KIAA0825: variants seen among roughly 807,000 people sequenced by gnomAD.
KIAA0825 encodes the protein KIAA0825, also known as uncharacterized protein KIAA0825.
In KIAA0825, 119 loss-of-function variants were observed where a neutral mutation model predicts 147.6. The observed-to-expected ratio is 0.81, with a 90% CI of 0.69 to 0.94. The LOEUF is 0.94. Ranked by LOEUF, KIAA0825 falls within the 40% of genes least tolerant of loss-of-function variation. The pLI, the probability that KIAA0825 is intolerant of heterozygous loss-of-function variation, is 0.00. For synonymous variants in KIAA0825, 470 were observed against 518.1 expected, an observed-to-expected ratio of 0.91 and a Z score of 1.26; for missense variants, 1,381 against 1,472.7, an observed-to-expected ratio of 0.94 and a Z score of 1.02.
At chr5:94,437,170 TGA>T (rs1469188217) in intron 14 of KIAA0825, among the ~76,000 whole-genome samples, 4 of 152,196 alleles carry the variant, frequency 2.6e-5, no homozygotes, top group Non-Finnish European at 5.9e-5. Flanking sequence ...TGAAATATCA[TGA>T]GACTTTAAAT....
intron 20 of KIAA0825, among the ~76,000 whole-genome samples, chr5:94,275,776 G>T (rs189505722): frequency 6.6e-6 from 1 of 152,172 alleles, no homozygotes; most frequent in Admixed American, 6.6e-5. Context: ...CTCATCAGTA[G>T]CATCATTTAC....
chr5:94,286,255 G>T (rs1434032532), intron 20 of KIAA0825, among the ~76,000 whole-genome samples: 1 of 152,174 alleles, frequency 6.6e-6, no homozygotes, highest in African/African-American at 2.4e-5. Flanking sequence ...TCCATGAACA[G>T]TATGTGTGTG....
At chr5:94,317,764 A>C (rs946533366) in intron 20 of KIAA0825, among the ~76,000 whole-genome samples, 1 of 151,896 alleles carries the variant, frequency 6.6e-6, no homozygotes, top group African/African-American at 2.4e-5. Context: ...AATGTGCTTT[A>C]AAATATATGT....
At chr5:94,342,414 G>C (rs1782517321) in intron 20 of KIAA0825, among the ~76,000 whole-genome samples, 1 of 152,120 alleles carries the variant, frequency 6.6e-6, no homozygotes, top group Non-Finnish European at 1.5e-5. Context: ...AAAATGAAAG[G>C]AATAATGTCA....
intron 14 of KIAA0825, among the ~76,000 whole-genome samples, chr5:94,425,979 C>G (rs1754806849): frequency 6.6e-6 from 1 of 151,736 alleles, no homozygotes; most frequent in Non-Finnish European, 1.5e-5. Flanking sequence ...TTCCAAGTAG[C>G]TGGGACTACA....
In KIAA0825 at chr5:94,184,632, T is replaced by G. The variant is rs569006912; in HGVS notation, c.3711-30508A>C. Reference sequence around the variant, plus strand: ...TAGATGCAAATATTTAAGAAACTTATGCACAGGTTTTGTGCTATTATCATG... The same window carrying G: ...TAGATGCAAATATTTAAGAAACTTAGGCACAGGTTTTGTGCTATTATCATG... On this transcript the variant is annotated intron_variant, in intron 20 of 20. Transcript: ENST00000682413. 4.6e-5 allele frequency among the ~76,000 whole-genome samples: 7 copies of G among 152,332 alleles called. No homozygotes were observed. The South Asian group carries it at 6.2e-4, about 14-fold the overall frequency.
intron 2 of KIAA0825, among the ~76,000 whole-genome samples, chr5:94,548,277 C>G (rs1236368980): frequency 6.6e-6 from 1 of 152,050 alleles, no homozygotes; most frequent in Non-Finnish European, 1.5e-5. Context: ...AGCTGATGAA[C>G]TAAGTTTTTA....
At chr5:94,206,381 T>C (rs973778788) in intron 20 of KIAA0825, among the ~76,000 whole-genome samples, 7 of 152,192 alleles carry the variant, frequency 4.6e-5, no homozygotes, top group Admixed American at 4.6e-4. Context: ...TTTTGAATAC[T>C]TTCTGTGTTT....
At chr5:94,276,158 G>A (rs1466794703) in intron 20 of KIAA0825, among the ~76,000 whole-genome samples, 3 of 152,096 alleles carry the variant, frequency 2.0e-5, no homozygotes, top group African/African-American at 7.2e-5. Context: ...ACATATAGAA[G>A]TCTAACTCAC....
chr5:94,528,181 C>T (rs73145064), intron 3 of KIAA0825, among the ~76,000 whole-genome samples: 1,613 of 152,266 alleles, frequency 0.011, 28 homozygotes, highest in African/African-American at 0.035. Context: ...CTTTCTCATA[C>T]GTATCCTTTC....
At chr5:94,587,171 T>C (rs1386801333) in intron 1 of KIAA0825, among the ~76,000 whole-genome samples, 3 of 152,118 alleles carry the variant, frequency 2.0e-5, no homozygotes, top group South Asian at 2.1e-4. Context: ...CTATTCAACA[T>C]AGTATTGGAA....
chr5:94,295,055 C>T (rs1027870323), intron 20 of KIAA0825, among the ~76,000 whole-genome samples: 3 of 152,122 alleles, frequency 2.0e-5, no homozygotes, highest in African/African-American at 7.2e-5. Context: ...TTCTGGTACA[C>T]CAATCAAACG....
intron 20 of KIAA0825, among the ~76,000 whole-genome samples, chr5:94,228,569 A>G (rs903625505): frequency 2.6e-5 from 4 of 152,154 alleles, no homozygotes; most frequent in African/African-American, 9.7e-5. Flanking sequence ...AGCAGGTTCT[A>G]CCCACATCTC....
chr5:94,488,562 T>C (rs1046493152), intron 5 of KIAA0825, among the ~76,000 whole-genome samples: 1 of 152,106 alleles, frequency 6.6e-6, no homozygotes, highest in African/African-American at 2.4e-5. Context: ...TTTCTTTATA[T>C]ATAATTTTAA....
chr5:94,599,039 T>C (rs1398797321), intron 1 of KIAA0825, among the ~76,000 whole-genome samples: 2 of 152,180 alleles, frequency 1.3e-5, no homozygotes, highest in African/African-American at 4.8e-5. Flanking sequence ...GTTTTTCTTT[T>C]TAGAAAGCTG....
intron 19 of KIAA0825, 78 bp downstream of exon 19, chr5:94,386,164 A>C: frequency 1.5e-6 from 2 of 1,306,756 alleles, no homozygotes; most frequent in Non-Finnish European, 2.1e-6. Context: ...ATGAGTAAAT[A>C]CTCAAACACA....
chr5:94,606,579 T>C (rs1195226778), intron 1 of KIAA0825, among the ~76,000 whole-genome samples: 6 of 152,096 alleles, frequency 3.9e-5, no homozygotes, highest in African/African-American at 1.4e-4. Flanking sequence ...AGGAACAGAA[T>C]AGGGAGCCCA....
At chr5:94,556,785 T>C (rs1045365378) in intron 2 of KIAA0825, among the ~76,000 whole-genome samples, 4 of 152,226 alleles carry the variant, frequency 2.6e-5, no homozygotes, top group Non-Finnish European at 5.9e-5. Context: ...CTTACTGTCA[T>C]ATCCCAGCTT....
intron 20 of KIAA0825, among the ~76,000 whole-genome samples, chr5:94,167,271 A>G (rs1294512693): frequency 6.6e-6 from 1 of 152,238 alleles, no homozygotes; most frequent in Non-Finnish European, 1.5e-5. Flanking sequence ...ACGTTAGCAG[A>G]AATTGAGAAA....
Sources: allele counts gnomAD v4.1 joint callset (sites outside exome capture counted in the v4.1 genomes callset), GRCh38; gene constraint gnomAD v4.1.1; transcripts MANE v1.5; gene names NCBI Gene and HGNC (gene_info 2026-07-23, HGNC 2026-07-21).